Variants in SORBS2 observed in about 807,000 individuals in gnomAD.
The protein encoded by SORBS2 is sorbin and SH3 domain-containing protein 2.
Under a neutral mutation model 97.7 loss-of-function variants are expected in SORBS2, and 46 were observed. The ratio of observed to expected loss-of-function variants is 0.47; its 90% CI spans 0.37 to 0.60. The LOEUF is 0.60. SORBS2 is among the 20% of genes least tolerant of loss of function. The probability of loss-of-function intolerance (pLI) is 0.00; values close to 1 mark genes in which losing one functional copy is unlikely to be tolerated. For missense variants in SORBS2, 1,316 were observed against 1,282.3 expected (o/e 1.03, Z -0.40); for synonymous variants, 476 against 473.4 (o/e 1.01, Z -0.07).
intron 6 of SORBS2, among the ~76,000 whole-genome samples, chr4:185,626,191 A>G (rs73028074): frequency 0.054 from 8,260 of 152,268 alleles, 716 homozygotes; most frequent in African/African-American, 0.19. Context: ...CATCCAGAAA[A>G]AAAGGCTTGG....
At chr4:185,851,739 A>T (rs1002377175) in intron 1 of SORBS2, among the ~76,000 whole-genome samples, 1 of 152,100 alleles carries the variant, frequency 6.6e-6, no homozygotes, top group Non-Finnish European at 1.5e-5. Flanking sequence ...AGGAATGTGA[A>T]AAGACTAGAC....
intron 1 of SORBS2, among the ~76,000 whole-genome samples, chr4:185,838,642 CT>C (rs2099209639): frequency 6.6e-6 from 1 of 152,218 alleles, no homozygotes; most frequent in African/African-American, 2.4e-5. Flanking sequence ...TTTGCTTTGC[CT>C]TTTTTCCTGC....
chr4:185,851,149 C>T (rs539604030), intron 1 of SORBS2, among the ~76,000 whole-genome samples: 5 of 152,202 alleles, frequency 3.3e-5, no homozygotes, highest in South Asian at 2.1e-4. Context: ...TGGGGACCCT[C>T]GGCTGATACC....
At chr4:185,924,562 G>A (rs1054518851) in intron 1 of SORBS2, among the ~76,000 whole-genome samples, 7 of 152,178 alleles carry the variant, frequency 4.6e-5, no homozygotes, top group African/African-American at 1.7e-4. Context: ...ACAAGTGCCT[G>A]GCAACATGGC....
chr4:185,594,293 A>G (rs1341862594), intron 12 of SORBS2, among the ~76,000 whole-genome samples: 1 of 152,174 alleles, frequency 6.6e-6, no homozygotes, highest in African/African-American at 2.4e-5. Flanking sequence ...CCTTCATACA[A>G]CCTTATTCTC....
chr4:185,810,346 A>G (rs1288253048), intron 1 of SORBS2, among the ~76,000 whole-genome samples: 2 of 152,258 alleles, frequency 1.3e-5, no homozygotes, highest in East Asian at 1.9e-4. Context: ...GTTCCTGCCC[A>G]TATCTATCAG....
rs377037097 is a variant in SORBS2, at chr4:185,623,069, A to G, written c.2060T>C (p.Leu687Pro). The G allele has an allele frequency of 9.9e-6, 16 of 1,614,028 alleles. No individual in the cohort carries two copies. The African/African-American group carries it at 1.9e-4, about 19-fold the overall frequency. The change falls in exon 7 of 15, where the codon CTG becomes CCG. Residue 687 changes from leucine (L) to proline (P), a missense_variant. Physicochemically the swap from Leu to Pro is moderately conservative, Grantham distance 98. Transcript: ENST00000418609. This position sits in a 1 kb window ranked among gnomAD's most constrained non-coding sequence, Gnocchi z 6.4. Reference sequence around the variant, plus strand: ...AGGCAGTGGGTGGAGAGGCTGGTGCAGGGGGCTCCTCCTCAGCGCTCTCAG... The same window carrying G: ...AGGCAGTGGGTGGAGAGGCTGGTGCGGGGGGCTCCTCCTCAGCGCTCTCAG...
chr4:185,792,727 A>G (rs2099086546), intron 1 of SORBS2, among the ~76,000 whole-genome samples: 1 of 152,208 alleles, frequency 6.6e-6, no homozygotes, highest in Admixed American at 6.5e-5. Context: ...GTTCACTTAT[A>G]AATAACGGTT....
chr4:185,626,342 C>T (rs1409732495), intron 6 of SORBS2, among the ~76,000 whole-genome samples: 1 of 152,182 alleles, frequency 6.6e-6, no homozygotes, highest in Non-Finnish European at 1.5e-5. Flanking sequence ...CAGCAAATGG[C>T]TAAAGAAATT....
At chr4:185,637,652 AG>A (rs2097040629) in intron 4 of SORBS2, among the ~76,000 whole-genome samples, 3 of 152,040 alleles carry the variant, frequency 2.0e-5, no homozygotes, top group African/African-American at 7.2e-5. Flanking sequence ...GGCCTCGAGG[AG>A]ATAATGAAGA....
chr4:185,853,747 T>C (rs1046295360), intron 1 of SORBS2, among the ~76,000 whole-genome samples: 1 of 152,066 alleles, frequency 6.6e-6, no homozygotes, highest in Non-Finnish European at 1.5e-5. Context: ...ATGGCGAGTG[T>C]TCCAAAATAA....
intron 2 of SORBS2, among the ~76,000 whole-genome samples, chr4:185,745,506 A>G (rs981042743): frequency 1.3e-5 from 2 of 152,192 alleles, no homozygotes; most frequent in Non-Finnish European, 2.9e-5. Context: ...TTCCAACCTC[A>G]CATCACATCT....
At chr4:185,940,472 G>A (rs935146677) in intron 1 of SORBS2, among the ~76,000 whole-genome samples, 2 of 152,084 alleles carry the variant, frequency 1.3e-5, no homozygotes, top group East Asian at 1.9e-4. Context: ...ACCTCTGACT[G>A]CTCCTGTCCA....
chr4:185,610,114 A>G (rs1037975555), intron 12 of SORBS2, among the ~76,000 whole-genome samples: 1 of 152,238 alleles, frequency 6.6e-6, no homozygotes, highest in Non-Finnish European at 1.5e-5. Context: ...ATCAAAGATG[A>G]AAACATTGGG....
At chr4:185,953,984 C>T (rs1263130212) in intron 1 of SORBS2, among the ~76,000 whole-genome samples, 5 of 152,330 alleles carry the variant, frequency 3.3e-5, no homozygotes, top group East Asian at 3.9e-4. Flanking sequence ...TTGCTTTAAT[C>T]CATTCCTTAA....
chr4:185,953,768 C>T (rs904748364), intron 1 of SORBS2, among the ~76,000 whole-genome samples: 1 of 152,214 alleles, frequency 6.6e-6, no homozygotes, highest in Admixed American at 6.5e-5. Flanking sequence ...TTTATAATTA[C>T]ACCCTTCTTA....
chr4:185,844,006 A>C (rs940085294), intron 1 of SORBS2, among the ~76,000 whole-genome samples: 9 of 152,220 alleles, frequency 5.9e-5, no homozygotes, highest in Non-Finnish European at 1.3e-4. Context: ...TGTACACTCT[A>C]TGAGTATATG....
chr4:185,948,483 T>C (rs566304912), intron 1 of SORBS2, among the ~76,000 whole-genome samples: 14 of 151,722 alleles, frequency 9.2e-5, no homozygotes, highest in African/African-American at 3.1e-4. Context: ...AGACAGTACA[T>C]TGTGATTAGG....
At chr4:185,622,953 T>C in exon 7 of SORBS2, 3 of 1,613,606 alleles carry the variant, frequency 1.9e-6, no homozygotes, top group Middle Eastern at 1.7e-4. Flanking sequence ...TGGCAGCTGC[T>C]GTTGGCTGTG....
Sources: allele counts gnomAD v4.1 joint callset (sites outside exome capture counted in the v4.1 genomes callset), GRCh38; gene constraint gnomAD v4.1.1; non-coding constraint Gnocchi (gnomAD v3.1); transcripts MANE v1.5; gene names NCBI Gene and HGNC (gene_info 2026-07-23, HGNC 2026-07-21).